STPG2: variants seen among roughly 807,000 people sequenced by gnomAD.
STPG2 encodes sperm tail PG-rich repeat containing 2.
A neutral mutation model predicts 54.2 loss-of-function variants in STPG2; 56 were observed. The ratio of observed to expected loss-of-function variants is 1.03; its 90% CI spans 0.83 to 1.29. STPG2 has a LOEUF of 1.29. Ranked by LOEUF, STPG2 falls within the 50% of genes most tolerant of loss-of-function variation. The pLI, the probability that STPG2 is intolerant of heterozygous loss-of-function variation, is 0.00. For synonymous variants in STPG2, 200 were observed against 181.8 expected (o/e 1.10, Z -0.81); for missense variants, 596 against 544.9 (o/e 1.09, Z -0.93).
intron 4 of STPG2, among the ~76,000 whole-genome samples, chr4:97,482,386 T>A (rs1010969073): frequency 6.6e-6 from 1 of 151,486 alleles, no homozygotes; most frequent in Non-Finnish European, 1.5e-5. Flanking sequence ...CAGGAAACAT[T>A]GGACACACTT....
At chr4:97,687,178 C>T (rs539071278) in intron 10 of STPG2, among the ~76,000 whole-genome samples, 38 of 151,792 alleles carry the variant, frequency 2.5e-4, no homozygotes, top group Non-Finnish European at 7.4e-5. Flanking sequence ...TCTCGATCTC[C>T]CGACCTCGTG....
chr4:97,465,014 C>T (rs967456017), intron 4 of STPG2, among the ~76,000 whole-genome samples: 43 of 152,088 alleles, frequency 2.8e-4, no homozygotes, highest in African/African-American at 1.0e-3. Flanking sequence ...AGTCTTACTT[C>T]ATAATGGTTA....
intron 9 of STPG2, among the ~76,000 whole-genome samples, chr4:97,793,309 T>G (rs1453409691): frequency 1.3e-5 from 2 of 151,914 alleles, no homozygotes; most frequent in Non-Finnish European, 2.9e-5. Context: ...TTTGCCTATC[T>G]CTCAGAATTT....
At chr4:97,496,073 A>C (rs2148830226) in intron 4 of STPG2, among the ~76,000 whole-genome samples, 1 of 151,782 alleles carries the variant, frequency 6.6e-6, no homozygotes, top group East Asian at 1.9e-4. Flanking sequence ...ATATGTCCTA[A>C]AAATTAGATG....
At chr4:97,612,272 A>G (rs1733751467) in intron 10 of STPG2, among the ~76,000 whole-genome samples, 1 of 151,654 alleles carries the variant, frequency 6.6e-6, no homozygotes, top group Non-Finnish European at 1.5e-5. Flanking sequence ...AAAAAAAAAC[A>G]CAACATGCAC....
At chr4:97,605,400 T>C (rs553067992) in intron 10 of STPG2, among the ~76,000 whole-genome samples, 1 of 151,792 alleles carries the variant, frequency 6.6e-6, no homozygotes, top group South Asian at 2.1e-4. Flanking sequence ...CTATGAAACA[T>C]TTAAGAAGGA....
chr4:97,918,875 G>A lies in STPG2; in HGVS notation c.1044+25022C>T, dbSNP rs989603775. On this transcript the variant is annotated intron_variant, in intron 8 of 10. Coordinates refer to ENST00000295268, the MANE Select transcript of STPG2 (RefSeq NM_174952.3). ...ACACTGGGTGCAGTGTACACTGCTC[G>A]GGTGATGGGTACACCAAAATCTCAG... Among the ~76,000 whole-genome samples the A allele has an allele frequency of 1.6e-4, 25 of 152,180 alleles. 1 individual carries two copies. Among genetic ancestry groups the A allele is most frequent in the African/African-American group, 4.8e-4 (20 of 41,524 alleles).
intron 8 of STPG2, among the ~76,000 whole-genome samples, chr4:97,859,891 T>G (rs527870536): frequency 6.6e-6 from 1 of 152,220 alleles, no homozygotes; most frequent in Non-Finnish European, 1.5e-5. Flanking sequence ...CATCTTGACT[T>G]TATTTTTGTA....
chr4:97,765,477 A>G (rs747409717), intron 9 of STPG2, among the ~76,000 whole-genome samples: 43 of 152,082 alleles, frequency 2.8e-4, no homozygotes, highest in Admixed American at 2.3e-3. Context: ...GATTTGCTTT[A>G]GCTTAAAAAA....
At chr4:98,044,381 A>G (rs1447444757) in intron 5 of STPG2, among the ~76,000 whole-genome samples, 1 of 152,186 alleles carries the variant, frequency 6.6e-6, no homozygotes, top group Non-Finnish European at 1.5e-5. Flanking sequence ...AAATTGCTGG[A>G]TAAGCGAAGT....
chr4:97,454,772 G>T (rs946846529), intron 4 of STPG2, among the ~76,000 whole-genome samples: 1 of 151,956 alleles, frequency 6.6e-6, no homozygotes, highest in African/African-American at 2.4e-5. Flanking sequence ...GTACAAAGAA[G>T]TATCTGAGAT....
At chr4:97,695,036 A>G (rs1262564514) in intron 10 of STPG2, among the ~76,000 whole-genome samples, 1 of 151,484 alleles carries the variant, frequency 6.6e-6, no homozygotes, top group East Asian at 1.9e-4. Flanking sequence ...ACATAACAAA[A>G]AGAGAAAACT....
chr4:97,574,587 C>A (rs907811802), intron 10 of STPG2, among the ~76,000 whole-genome samples: 1 of 151,970 alleles, frequency 6.6e-6, no homozygotes, highest in African/African-American at 2.4e-5. Flanking sequence ...AGACACTTGT[C>A]ACATGAAGGC....
chr4:97,730,848 T>C (rs1724774447), intron 9 of STPG2, among the ~76,000 whole-genome samples: 1 of 152,338 alleles, frequency 6.6e-6, no homozygotes, highest in Non-Finnish European at 1.5e-5. Context: ...AGTGAATTTT[T>C]CAACTCCAGA....
chr4:97,512,236 A>G (rs946068766), intron 4 of STPG2, among the ~76,000 whole-genome samples: 3 of 152,090 alleles, frequency 2.0e-5, no homozygotes, highest in African/African-American at 7.2e-5. Flanking sequence ...ACTAGAGGAT[A>G]TAAGAATGGT....
chr4:97,559,368 G>C (rs1249953017), intron 10 of STPG2, among the ~76,000 whole-genome samples: 3 of 152,002 alleles, frequency 2.0e-5, no homozygotes, highest in African/African-American at 7.2e-5. Context: ...ACTTCAAGTA[G>C]GTCTGTTGTG....
At chr4:97,443,889 G>T (rs936189980) in intron 4 of STPG2, among the ~76,000 whole-genome samples, 1 of 152,078 alleles carries the variant, frequency 6.6e-6, no homozygotes, top group African/African-American at 2.4e-5. Context: ...TAGAGTTGGA[G>T]ATATCTATCA....
chr4:97,593,437 C>T (rs1482956003), intron 10 of STPG2, among the ~76,000 whole-genome samples: 1 of 152,186 alleles, frequency 6.6e-6, no homozygotes, highest in African/African-American at 2.4e-5. Flanking sequence ...CTCGCACACC[C>T]AACCGCAATT....
chr4:98,026,577 GTTTC>G lies in STPG2; in HGVS notation c.613-45263_613-45260del, dbSNP rs1286856580. ...TAGTGACATGCTGGAGGCCCATTGA[GTTTC>G]TCAGGAACCCTCAAGGACAGCTTCC... On this transcript the variant is annotated intron_variant, in intron 5 of 10. Transcript: ENST00000295268. Among the ~76,000 whole-genome samples the G allele has an allele frequency of 2.0e-5, 3 of 152,120 alleles. No homozygotes were observed. In the East Asian group the frequency reaches 5.8e-4, roughly 29 times the overall value.
Sources: gnomAD v4.1 joint callset for allele counts (sites outside exome capture counted in the v4.1 genomes callset) on GRCh38, gnomAD v4.1.1 for gene constraint, MANE v1.5 for transcripts, NCBI Gene and HGNC (gene_info 2026-07-23, HGNC 2026-07-21) for gene names.